The following ZNF804A variants were observed in gnomAD, a reference collection of about 807,000 sequenced individuals.
The protein encoded by ZNF804A is zinc finger protein 804A.
A neutral mutation model predicts 16.5 loss-of-function variants in ZNF804A; 2 were observed. That is an observed-to-expected ratio of 0.12 (90% CI 0.05 to 0.38). The LOEUF (loss-of-function observed/expected upper bound fraction) is 0.38. Ranked by LOEUF, ZNF804A falls within the 10% of genes least tolerant of loss-of-function variation. ZNF804A has a pLI of 0.99. For synonymous variants in ZNF804A, 534 were observed against 489.6 expected, an observed-to-expected ratio of 1.09 and a Z score of -1.20; for missense variants, 1,473 against 1,390.7, an observed-to-expected ratio of 1.06 and a Z score of -0.94.
intron 2 of ZNF804A, among the ~76,000 whole-genome samples, chr2:184,869,146 T>C (rs929156071): frequency 1.3e-5 from 2 of 151,788 alleles, no homozygotes; most frequent in Admixed American, 1.3e-4. Flanking sequence ...GAAAAAAAAA[T>C]TTCTGAAATC....
intron 1 of ZNF804A, among the ~76,000 whole-genome samples, chr2:184,862,278 C>T (rs1233192746): frequency 3.3e-5 from 5 of 152,140 alleles, no homozygotes; most frequent in African/African-American, 4.8e-5. Context: ...GGTCATGGAA[C>T]GTGTCAGCCT....
At chr2:184,837,761 G>T (rs754246391) in intron 1 of ZNF804A, among the ~76,000 whole-genome samples, 1 of 152,054 alleles carries the variant, frequency 6.6e-6, no homozygotes, top group Non-Finnish European at 1.5e-5. Flanking sequence ...GAATAAGCTC[G>T]TGTATGAAGG....
intron 1 of ZNF804A, among the ~76,000 whole-genome samples, chr2:184,758,382 C>T (rs1436544176): frequency 1.3e-5 from 1 of 74,168 alleles, no homozygotes; most frequent in East Asian, 2.1e-4. Flanking sequence ...CAAGTCACTA[C>T]ACTACTTTAG....
chr2:184,696,921 G>A (rs1283245833), intron 1 of ZNF804A, among the ~76,000 whole-genome samples: 5 of 151,066 alleles, frequency 3.3e-5, no homozygotes, highest in East Asian at 3.9e-4. Flanking sequence ...CAAATGTAAC[G>A]AAAAAAAATC....
intron 1 of ZNF804A, among the ~76,000 whole-genome samples, chr2:184,844,868 A>G (rs532594638): frequency 6.5e-4 from 98 of 151,880 alleles, no homozygotes; most frequent in African/African-American, 2.3e-3. Context: ...ACACCCTTTG[A>G]TATTATTTCA....
intron 1 of ZNF804A, among the ~76,000 whole-genome samples, chr2:184,661,625 C>T (rs1168127846): frequency 6.6e-6 from 1 of 152,074 alleles, no homozygotes; most frequent in Non-Finnish European, 1.5e-5. Flanking sequence ...AAAGCATAAT[C>T]TAGAAGGAAC....
intron 1 of ZNF804A, among the ~76,000 whole-genome samples, chr2:184,817,552 C>A (rs1438325254): frequency 6.6e-6 from 1 of 151,940 alleles, no homozygotes; most frequent in Non-Finnish European, 1.5e-5. Flanking sequence ...GGGCTCTGGC[C>A]AAGATGGCTG....
chr2:184,906,067 T>C (rs1271625767), intron 2 of ZNF804A, among the ~76,000 whole-genome samples: 1 of 152,164 alleles, frequency 6.6e-6, no homozygotes, highest in Non-Finnish European at 1.5e-5. Context: ...TTTAAAAGTG[T>C]ATTTTGTTGT....
intron 2 of ZNF804A, among the ~76,000 whole-genome samples, chr2:184,887,799 T>C (rs1432443518): frequency 6.6e-6 from 1 of 152,166 alleles, no homozygotes; most frequent in Admixed American, 6.5e-5. Flanking sequence ...GGAGATACAA[T>C]TCAAGTTGGG....
At chr2:184,721,095 C>G (rs1693305352) in intron 1 of ZNF804A, among the ~76,000 whole-genome samples, 1 of 152,060 alleles carries the variant, frequency 6.6e-6, no homozygotes, top group Non-Finnish European at 1.5e-5. Context: ...AATATCAACT[C>G]AAGATGAATG....
At chr2:184,831,712 C>G (rs756659211) in intron 1 of ZNF804A, among the ~76,000 whole-genome samples, 4 of 151,018 alleles carry the variant, frequency 2.6e-5, no homozygotes, top group Non-Finnish European at 5.9e-5. Context: ...AAGGAATATC[C>G]TCCTATGTGA....
Position 184,724,505 on chromosome 2 carries a change from G to A in ZNF804A, c.111+125435G>A, listed in dbSNP as rs1051238272. ...AGAGTTTCCCAATACAGAAATTCAC[G>A]GAAGCATGAGAAATCTTGGGAGGAT... is the stretch of plus-strand genomic sequence containing the variant. On this transcript the variant is annotated intron_variant, in intron 1 of 3. Coordinates refer to ENST00000302277, the MANE Select transcript of ZNF804A (RefSeq NM_194250.2). Among the ~76,000 whole-genome samples, 13 of 151,470 alleles carry A rather than the reference G, an allele frequency of 8.6e-5. No homozygotes were observed. In the East Asian group the frequency reaches 9.6e-4, roughly 11 times the overall value.
At chr2:184,843,045 A>T (rs1695460570) in intron 1 of ZNF804A, among the ~76,000 whole-genome samples, 1 of 152,038 alleles carries the variant, frequency 6.6e-6, no homozygotes, top group African/African-American at 2.4e-5. Flanking sequence ...AGAATAGCAG[A>T]TGCTCTTGGT....
chr2:184,813,158 G>C (rs7599560), intron 1 of ZNF804A, among the ~76,000 whole-genome samples: 13,617 of 151,970 alleles, frequency 0.09, 2,046 homozygotes, highest in African/African-American at 0.31. Flanking sequence ...ATTTTAACCA[G>C]AAAAGTATTT....
At chr2:184,710,588 C>T (rs1363760020) in intron 1 of ZNF804A, among the ~76,000 whole-genome samples, 1 of 151,736 alleles carries the variant, frequency 6.6e-6, no homozygotes, top group Non-Finnish European at 1.5e-5. Flanking sequence ...ACTCTAAGCA[C>T]AGTGTTGCAT....
chr2:184,866,534 A>C, intron 2 of ZNF804A, 22 bp downstream of exon 2: 1 of 1,589,398 alleles, frequency 6.3e-7, no homozygotes, highest in Non-Finnish European at 8.5e-7. Flanking sequence ...ATGTGAAAAA[A>C]TTCTGGCATT....
At chr2:184,659,241 C>A (rs1692128610) in intron 1 of ZNF804A, among the ~76,000 whole-genome samples, 1 of 152,114 alleles carries the variant, frequency 6.6e-6, no homozygotes, top group Admixed American at 6.5e-5. Context: ...GAGGTTAAGA[C>A]ATGGTTTGCT....
chr2:184,729,513 A>G (rs1693476590), intron 1 of ZNF804A, among the ~76,000 whole-genome samples: 1 of 151,998 alleles, frequency 6.6e-6, no homozygotes, highest in South Asian at 2.1e-4. Flanking sequence ...TGTTTTCAAA[A>G]TTAAGTATTC....
At chr2:184,618,745 G>T (rs973034787) in intron 1 of ZNF804A, among the ~76,000 whole-genome samples, 6 of 152,100 alleles carry the variant, frequency 3.9e-5, no homozygotes, top group Middle Eastern at 3.4e-3. Flanking sequence ...AGAATTATTT[G>T]CAGGCTGTTT....
Sources: allele counts gnomAD v4.1 joint callset (sites outside exome capture counted in the v4.1 genomes callset), GRCh38; gene constraint gnomAD v4.1.1; transcripts MANE v1.5; gene names NCBI Gene and HGNC (gene_info 2026-07-23, HGNC 2026-07-21).